SLC35F3: variants seen among roughly 807,000 people sequenced by gnomAD.
The protein encoded by SLC35F3 is putative thiamine transporter SLC35F3.
In SLC35F3, 25 loss-of-function variants were observed where a neutral mutation model predicts 49.9. The observed-to-expected ratio is 0.50, with a 90% confidence interval of 0.37 to 0.70. The LOEUF is 0.70. Ranked by LOEUF, SLC35F3 falls within the 30% of genes least tolerant of loss-of-function variation. The pLI is 0.00. For synonymous variants in SLC35F3, 275 were observed against 265.4 expected, an observed-to-expected ratio of 1.04 and a Z score of -0.35; for missense variants, 525 against 639.8, an observed-to-expected ratio of 0.82 and a Z score of 1.94.
chr1:234,125,550 T>A (rs1665634636), intron 2 of SLC35F3, among the ~76,000 whole-genome samples: 1 of 152,282 alleles, frequency 6.6e-6, no homozygotes, highest in South Asian at 2.1e-4. Flanking sequence ...CAGGGCCAGC[T>A]AATGTTTGAG....
chr1:234,220,293 GGTGTGT>G (rs139133246), intron 2 of SLC35F3, among the ~76,000 whole-genome samples: 1,747 of 151,090 alleles, frequency 0.012, 25 homozygotes, highest in African/African-American at 0.039. Flanking sequence ...TCATTTCAGG[GGTGTGT>G]GTGTGTGTGT....
intron 2 of SLC35F3, among the ~76,000 whole-genome samples, chr1:233,964,604 G>A (rs534044561): frequency 4.6e-5 from 7 of 152,224 alleles, no homozygotes; most frequent in African/African-American, 1.4e-4. Context: ...CATGTGTCGC[G>A]AAGGCATGCG....
intron 2 of SLC35F3, among the ~76,000 whole-genome samples, chr1:233,922,636 C>A (rs964673717): frequency 2.0e-5 from 3 of 151,888 alleles, no homozygotes; most frequent in African/African-American, 7.3e-5. Context: ...TGCTGTGCAG[C>A]AACTCTTTAG....
chr1:234,266,881 T>TTG (rs1553259689), intron 3 of SLC35F3, among the ~76,000 whole-genome samples: 2 of 148,074 alleles, frequency 1.4e-5, no homozygotes, highest in Admixed American at 6.7e-5. Context: ...TGGTTTTTTT[T>TTG]TTTTTTTTTT....
chr1:233,970,584 G>T (rs753884545), intron 2 of SLC35F3, among the ~76,000 whole-genome samples: 8 of 152,156 alleles, frequency 5.3e-5, no homozygotes, highest in African/African-American at 1.9e-4. Flanking sequence ...TAGTATCTCC[G>T]AACATGGCTA....
At chr1:233,996,318 G>A (rs1305370758) in intron 2 of SLC35F3, among the ~76,000 whole-genome samples, 1 of 152,134 alleles carries the variant, frequency 6.6e-6, no homozygotes, top group Non-Finnish European at 1.5e-5. Flanking sequence ...ATGTGTGTAG[G>A]TTATATGCAA....
intron 2 of SLC35F3, among the ~76,000 whole-genome samples, chr1:234,169,447 G>A (rs1379666496): frequency 6.6e-6 from 1 of 152,194 alleles, no homozygotes; most frequent in Non-Finnish European, 1.5e-5. Flanking sequence ...TCCCGGCTGT[G>A]GGCTCCCAGG....
intron 2 of SLC35F3, among the ~76,000 whole-genome samples, chr1:233,906,570 A>G (rs1191919056): frequency 1.3e-5 from 2 of 152,212 alleles, no homozygotes; most frequent in African/African-American, 4.8e-5. Flanking sequence ...GTTTGACATA[A>G]GAGATTGCCA....
chr1:233,961,078 A>G (rs1180800949), intron 2 of SLC35F3, among the ~76,000 whole-genome samples: 1 of 152,180 alleles, frequency 6.6e-6, no homozygotes, highest in Non-Finnish European at 1.5e-5. Flanking sequence ...AAGGTTGTTT[A>G]TGAGAGAAGG....
chr1:234,002,497 ATTT>A (rs544469772), intron 2 of SLC35F3, among the ~76,000 whole-genome samples: 3 of 151,900 alleles, frequency 2.0e-5, no homozygotes, highest in Non-Finnish European at 2.9e-5. Context: ...AATTTGTCTG[ATTT>A]TTTTTATCAT....
At chr1:234,145,389 T>G (rs1343785939) in intron 2 of SLC35F3, among the ~76,000 whole-genome samples, 1 of 152,162 alleles carries the variant, frequency 6.6e-6, no homozygotes, top group Non-Finnish European at 1.5e-5. Context: ...TGCTTCTTTT[T>G]TTCTGCTTGA....
intron 2 of SLC35F3, among the ~76,000 whole-genome samples, chr1:234,048,648 G>GAGGTAAGGCTCCCTA (rs1553300602): frequency 6.6e-6 from 1 of 152,180 alleles, no homozygotes; most frequent in Non-Finnish European, 1.5e-5. Context: ...TGGAGCCTTG[G>GAGGTAAGGCTCCCTA]GAGCAATGCC....
At position 234,323,402 on chromosome 1, in the gene SLC35F3, T is replaced by C; in HGVS notation, c.*159T>C. The C allele has an allele frequency of 1.6e-6, 1 of 624,082 alleles. No homozygotes were observed. The allele number at this position is 624,082 out of a possible 1,614,324, so 38.7% of individuals were successfully genotyped here. A position where few individuals can be genotyped will look rare whatever the true frequency, so the allele number is the denominator to read the frequency against. ...TCCAATTTGCTTGCACTTTTCCACA[T>C]CAGACCTTCCACTTAAGGGTACCAA... On this transcript the variant is annotated 3_prime_UTR_variant, in exon 8 of 8. Transcript: ENST00000366618. The surrounding 1 kb of genome is among the most constrained non-coding windows in gnomAD (Gnocchi z 4.5).
chr1:234,243,306 C>T (rs1287277687), intron 3 of SLC35F3, among the ~76,000 whole-genome samples: 1 of 152,074 alleles, frequency 6.6e-6, no homozygotes, highest in Non-Finnish European at 1.5e-5. Flanking sequence ...AGAGATCACG[C>T]CACTGCACTC....
intron 2 of SLC35F3, among the ~76,000 whole-genome samples, chr1:233,927,232 GT>G (rs1662174521): frequency 6.6e-6 from 1 of 151,988 alleles, no homozygotes; most frequent in African/African-American, 2.4e-5. Flanking sequence ...TGTAGATTTT[GT>G]GTGAACATAA....
intron 2 of SLC35F3, among the ~76,000 whole-genome samples, chr1:233,967,788 G>A (rs1197461601): frequency 1.3e-5 from 2 of 152,184 alleles, no homozygotes; most frequent in African/African-American, 4.8e-5. Flanking sequence ...TGAGGCCTAA[G>A]ACAGGTTTAA....
intron 2 of SLC35F3, among the ~76,000 whole-genome samples, chr1:234,066,559 G>T (rs1664620787): frequency 6.6e-6 from 1 of 151,960 alleles, no homozygotes; most frequent in African/African-American, 2.4e-5. Flanking sequence ...CTTACCTATG[G>T]AAATAGGGTT....
At chr1:234,237,901 G>A (rs1407253712) in intron 3 of SLC35F3, among the ~76,000 whole-genome samples, 5 of 151,872 alleles carry the variant, frequency 3.3e-5, no homozygotes, top group Non-Finnish European at 7.4e-5. Flanking sequence ...ATGAGGTTTC[G>A]CCATGTTGCC....
At chr1:233,989,111 A>G (rs960796215) in intron 2 of SLC35F3, among the ~76,000 whole-genome samples, 9 of 152,254 alleles carry the variant, frequency 5.9e-5, no homozygotes, top group African/African-American at 2.2e-4. Context: ...CATAGTGCCC[A>G]GGACTTCCTG....
Sources: allele counts gnomAD v4.1 joint callset (sites outside exome capture counted in the v4.1 genomes callset), GRCh38; gene constraint gnomAD v4.1.1; non-coding constraint Gnocchi (gnomAD v3.1); transcripts MANE v1.5; gene names NCBI Gene and HGNC (gene_info 2026-07-23, HGNC 2026-07-21).